Variants in SLC8A1 observed in about 807,000 individuals in gnomAD.
SLC8A1 encodes sodium/calcium exchanger 1.
SLC8A1 carries 18 observed loss-of-function variants against 68.3 expected under a neutral mutation model. That is an observed-to-expected ratio of 0.26 (90% CI 0.18 to 0.39). SLC8A1 has a LOEUF of 0.39. Among genes scored for constraint, SLC8A1 ranks in the 10% least tolerant of loss-of-function variants. SLC8A1 has a pLI of 1.00. For missense variants in SLC8A1, 985 were observed against 1,156.7 expected (o/e 0.85, Z 2.15); for synonymous variants, 475 against 415.5 (o/e 1.14, Z -1.74).
At chr2:40,454,041 C>G (rs2149886049), upstream of SLC8A1, among the ~76,000 whole-genome samples, 1 of 152,288 alleles carries the variant, frequency 6.6e-6, no homozygotes, top group Admixed American at 6.5e-5. Context: ...TGGATATAAA[C>G]AGAATGACCT....
chr2:40,285,200 G>C (rs560281432), intron 2 of SLC8A1, among the ~76,000 whole-genome samples: 2 of 152,236 alleles, frequency 1.3e-5, no homozygotes, highest in South Asian at 4.1e-4. Context: ...ATCGCAGTTA[G>C]AGACAGACAA....
At chr2:40,286,912 T>C (rs2068412595) in intron 2 of SLC8A1, among the ~76,000 whole-genome samples, 1 of 152,194 alleles carries the variant, frequency 6.6e-6, no homozygotes, top group Non-Finnish European at 1.5e-5. Flanking sequence ...AAGTGAAAGA[T>C]GATGCAACCA....
chr2:40,349,927 G>C (rs888181127), intron 2 of SLC8A1, among the ~76,000 whole-genome samples: 2 of 152,000 alleles, frequency 1.3e-5, no homozygotes, highest in African/African-American at 4.8e-5. Context: ...AATATAAGCA[G>C]TAATATTAAT....
chr2:40,152,605 A>C (rs1177152196), intron 6 of SLC8A1, among the ~76,000 whole-genome samples: 3 of 150,614 alleles, frequency 2.0e-5, no homozygotes, highest in African/African-American at 7.4e-5. Flanking sequence ...TAGTAGAGAC[A>C]GAGTTTCGCC....
At chr2:40,168,033 A>T (rs777989385) in intron 4 of SLC8A1, among the ~76,000 whole-genome samples, 2 of 152,174 alleles carry the variant, frequency 1.3e-5, no homozygotes, top group African/African-American at 2.4e-5. Context: ...AAAGCCTCTT[A>T]GTTGCTCAAC....
intron 1 of SLC8A1, among the ~76,000 whole-genome samples, chr2:40,450,273 G>A (rs563427659): frequency 6.6e-6 from 1 of 152,094 alleles, no homozygotes; most frequent in Non-Finnish European, 1.5e-5. Context: ...TGAAATGAAT[G>A]AAACATCTAG....
intron 2 of SLC8A1, among the ~76,000 whole-genome samples, chr2:40,427,037 C>G (rs1178070426): frequency 6.6e-6 from 1 of 151,926 alleles, no homozygotes; most frequent in Non-Finnish European, 1.5e-5. Flanking sequence ...CAAAACACAT[C>G]TCAATAAGTG....
At chr2:40,177,235 ATTAAATATTT>A (rs1273495720) in intron 3 of SLC8A1, among the ~76,000 whole-genome samples, 1 of 152,162 alleles carries the variant, frequency 6.6e-6, no homozygotes, top group Non-Finnish European at 1.5e-5. Context: ...CTTTGTTCTT[ATTAAATATTT>A]TTAAACTGTG....
intron 2 of SLC8A1, among the ~76,000 whole-genome samples, chr2:40,327,165 G>C (rs1243106353): frequency 1.3e-5 from 2 of 152,014 alleles, no homozygotes; most frequent in Non-Finnish European, 2.9e-5. Context: ...AACCTATAAT[G>C]CACAAATAAT....
At chr2:40,283,089 C>A in intron 2 of SLC8A1, among the ~76,000 whole-genome samples, 2 of 152,238 alleles carry the variant, frequency 1.3e-5, no homozygotes, top group Middle Eastern at 3.4e-3. Context: ...GATTCCAAGA[C>A]GATTTAGAAG....
At chr2:40,357,231 C>T (rs951830961) in intron 2 of SLC8A1, among the ~76,000 whole-genome samples, 5 of 152,138 alleles carry the variant, frequency 3.3e-5, no homozygotes, top group African/African-American at 4.8e-5. Flanking sequence ...CTGGCTCGTA[C>T]CTCTAATCTC....
intron 2 of SLC8A1, among the ~76,000 whole-genome samples, chr2:40,203,509 C>G (rs1382698858): frequency 6.6e-6 from 1 of 151,966 alleles, no homozygotes; most frequent in Non-Finnish European, 1.5e-5. Flanking sequence ...AAATGCCATT[C>G]TGTAATATGC....
chr2:40,386,839 T>C (rs1478340940), intron 2 of SLC8A1, among the ~76,000 whole-genome samples: 1 of 151,106 alleles, frequency 6.6e-6, no homozygotes, highest in East Asian at 1.9e-4. Flanking sequence ...ACATAAATAA[T>C]GTATCCCTAA....
chr2:40,264,655 A>T (rs550367652), intron 2 of SLC8A1, among the ~76,000 whole-genome samples: 2 of 152,304 alleles, frequency 1.3e-5, no homozygotes, highest in Admixed American at 6.5e-5. Flanking sequence ...AACAATGAGA[A>T]CACACGGACA....
At chr2:40,378,946 T>C (rs1032122178) in intron 2 of SLC8A1, among the ~76,000 whole-genome samples, 10 of 152,086 alleles carry the variant, frequency 6.6e-5, no homozygotes, top group African/African-American at 2.2e-4. Flanking sequence ...ATGCTAGGCA[T>C]TTATCACCAC....
Position 40,332,898 on chromosome 2 carries a change from A to G in SLC8A1, c.1808+95575T>C, listed in dbSNP as rs149923159. Among the ~76,000 whole-genome samples the G allele has an allele frequency of 3.2e-3, 488 of 152,356 alleles. 6 individuals are homozygous for G. The highest frequency in any genetic ancestry group is 0.011 in the African/African-American group (467 of 41,582). ...GGCATGGTGGAGCACAAAATGCTTA[A>G]AAGATGCCCTCTGGACCTCCTAAGG... On this transcript the variant is annotated intron_variant, in intron 2 of 7. Coordinates refer to ENST00000406785, the Ensembl canonical transcript of SLC8A1.
intron 2 of SLC8A1, among the ~76,000 whole-genome samples, chr2:40,363,160 T>C (rs532198492): frequency 6.6e-5 from 10 of 152,274 alleles, no homozygotes; most frequent in Non-Finnish European, 1.0e-4. Flanking sequence ...TGGTATTAGA[T>C]GAGTCTTATA....
At chr2:40,194,526 GA>G (rs2052578568) in intron 2 of SLC8A1, among the ~76,000 whole-genome samples, 1 of 150,924 alleles carries the variant, frequency 6.6e-6, no homozygotes, top group East Asian at 1.9e-4. Context: ...AAGAAAACGA[GA>G]GGGAGAAGGA....
At chr2:40,333,437 C>CAAA (rs11392390) in intron 2 of SLC8A1, among the ~76,000 whole-genome samples, 9 of 73,782 alleles carry the variant, frequency 1.2e-4, no homozygotes, top group African/African-American at 3.3e-4. Context: ...GACTCCGTCT[C>CAAA]AAAAAAAAAA....
Sources: gnomAD v4.1 joint callset for allele counts (sites outside exome capture counted in the v4.1 genomes callset) on GRCh38, gnomAD v4.1.1 for gene constraint, MANE v1.5 for transcripts, NCBI Gene and HGNC (gene_info 2026-07-23, HGNC 2026-07-21) for gene names.